The following CACNA1A variants were observed in gnomAD, a reference collection of about 807,000 sequenced individuals.
The protein encoded by CACNA1A is calcium voltage-gated channel subunit alpha1 A, also known as voltage-dependent P/Q-type calcium channel subunit alpha-1A.
A neutral mutation model predicts 262.4 loss-of-function variants in CACNA1A; 57 were observed. The ratio of observed to expected loss-of-function variants is 0.22; its 90% CI spans 0.18 to 0.27. The LOEUF (loss-of-function observed/expected upper bound fraction) is 0.27. Ranked by LOEUF, CACNA1A falls within the 10% of genes least tolerant of loss-of-function variation. The pLI is 1.00. For missense variants in CACNA1A, 2,526 were observed against 3,562.8 expected, an observed-to-expected ratio of 0.71 and a Z score of 7.41; for synonymous variants, 1,431 against 1,419.3, an observed-to-expected ratio of 1.01 and a Z score of -0.18.
Position 13,231,724 on chromosome 19 carries a change from G to A in CACNA1A, c.5386C>T (p.Leu1796Phe). 4 of 1,611,674 alleles carry A rather than the reference G, an allele frequency of 2.5e-6. No homozygotes were observed. The highest frequency in any genetic ancestry group is 3.4e-6 in the Non-Finnish European group (4 of 1,178,814). Residue 1796 changes from leucine (L) to phenylalanine (F), a missense_variant, in exon 35 of 47, where the codon CTC (leucine) becomes TTC (phenylalanine). Coordinates refer to ENST00000360228, the MANE Select transcript of CACNA1A (RefSeq NM_001127222.2). Reference protein sequence around the residue: ...AYFYFVSFIFLCSFLMLNLFV... With the variant: ...AYFYFVSFIFFCSFLMLNLFV... ...CACAGACTCACCAGAAACGAGCAGA[G>A]GAAGATGAAGGAAACAAAGTAAAAA...
In CACNA1A at chr19:13,362,259, G is replaced by A. The variant is rs148442898; in HGVS notation, c.785-2460C>T. The A allele has an allele frequency of 9.5e-3, 1,445 of 152,234 alleles. 11 individuals are homozygous for A. Among genetic ancestry groups the A allele is most frequent in the Non-Finnish European group, 0.015 (1,053 of 68,054 alleles). 9.4% of individuals were successfully genotyped at this position (152,234 alleles called of 1,614,324 possible). On this transcript the variant is annotated intron_variant, in intron 5 of 46. Coordinates refer to ENST00000360228, the MANE Select transcript of CACNA1A (RefSeq NM_001127222.2). ...GTTGCCCAAGCTGGAGTGCAGTAGC[G>A]TGATCTCGGCTCACTGTAACCTCTA...
At chr19:13,245,296 C>T (rs1473058944) in intron 30 of CACNA1A, 31 bp from the exon 31 acceptor site, 3 of 1,581,390 alleles carry the variant, frequency 1.9e-6, no homozygotes, top group East Asian at 2.2e-5. Context: ...ACAGAGATGC[C>T]AACAGAGGGC....
intron 1 of CACNA1A, among the ~76,000 whole-genome samples, chr19:13,487,320 G>C (rs1052727998): frequency 3.9e-5 from 6 of 152,160 alleles, no homozygotes; most frequent in African/African-American, 1.2e-4. Flanking sequence ...ACAGGTGGGG[G>C]CAGCCCCCAG....
At chr19:13,422,152 C>G (rs2060326035) in intron 3 of CACNA1A, among the ~76,000 whole-genome samples, 1 of 152,044 alleles carries the variant, frequency 6.6e-6, no homozygotes, top group South Asian at 2.1e-4. Context: ...GAGAACCCAT[C>G]TTTACTAAAA....
intron 3 of CACNA1A, among the ~76,000 whole-genome samples, chr19:13,402,835 C>CAT (rs1349249132): frequency 2.9e-5 from 3 of 102,208 alleles, no homozygotes; most frequent in Admixed American, 1.1e-4. Context: ...CATATATATA[C>CAT]ATATATATAC....
chr19:13,277,026 A>G lies in CACNA1A; in HGVS notation c.3882+43T>C, dbSNP rs767568713. 7.9e-5 allele frequency: 116 copies of G among 1,466,066 alleles called. 1 individual carries two copies. The Middle Eastern group carries it at 1.0e-3, about 13-fold the overall frequency. 90.8% of individuals were successfully genotyped at this position (1,466,066 alleles called of 1,614,324 possible). A position where few individuals can be genotyped will look rare whatever the true frequency, so the allele number is the denominator to read the frequency against. On this transcript the variant is annotated intron_variant, in intron 23 of 46. Coordinates refer to ENST00000360228, the MANE Select transcript of CACNA1A (RefSeq NM_001127222.2). ...TGTGCCCAGCCCTGCACTTGCTTAA[A>G]AAAAAAAATTACCGTGTGTTCTCAC...
In CACNA1A at chr19:13,224,608, G is replaced by T; in HGVS notation, c.5731+59C>A. 3 of 1,155,132 alleles carry T rather than the reference G, an allele frequency of 2.6e-6. No individual in the cohort carries two copies. The Admixed American group carries it at 6.0e-5, about 23-fold the overall frequency. 71.6% of individuals were successfully genotyped at this position (1,155,132 alleles called of 1,614,324 possible). A position where few individuals can be genotyped will look rare whatever the true frequency, so the allele number is the denominator to read the frequency against. On this transcript the variant is annotated intron_variant, in intron 38 of 46. Coordinates refer to ENST00000360228, the MANE Select transcript of CACNA1A (RefSeq NM_001127222.2). ...AGATCCTCTAGTTTGGGGTAGGGAG[G>T]GAGATCCCCGGTTCCACCCTGTCAC...
At chr19:13,346,618 A>T (rs1465659098) in intron 6 of CACNA1A, among the ~76,000 whole-genome samples, 38 of 3,786 alleles carry the variant, frequency 0.01, no homozygotes, top group East Asian at 0.056. Flanking sequence ...TTAATTGATT[A>T]TATATATATA....
intron 4 of CACNA1A, among the ~76,000 whole-genome samples, chr19:13,368,557 G>A (rs781614671): frequency 1.3e-5 from 2 of 152,090 alleles, no homozygotes; most frequent in Non-Finnish European, 2.9e-5. Flanking sequence ...AACATCCTAT[G>A]TTTGTAACCA....
At chr19:13,221,373 T>C (rs1324367583) in intron 38 of CACNA1A, among the ~76,000 whole-genome samples, 5 of 148,338 alleles carry the variant, frequency 3.4e-5, no homozygotes, top group Non-Finnish European at 5.9e-5. Context: ...GTTGGGATTA[T>C]AGGTGTGCAC....
intron 3 of CACNA1A, among the ~76,000 whole-genome samples, chr19:13,435,385 C>T (rs2060591291): frequency 6.6e-6 from 1 of 151,770 alleles, no homozygotes; most frequent in Admixed American, 6.6e-5. Flanking sequence ...GGATTACAAG[C>T]ATAAGCCATC....
intron 24 of CACNA1A, among the ~76,000 whole-genome samples, chr19:13,270,184 G>C (rs1295301063): frequency 6.6e-6 from 1 of 151,976 alleles, no homozygotes; most frequent in African/African-American, 2.4e-5. Context: ...AGTCCCTCTG[G>C]GCCGCAGTTT....
Position 13,235,488 on chromosome 19 carries a change from G to A in CACNA1A, c.5067+126C>T, listed in dbSNP as rs1359386009. On this transcript the variant is annotated intron_variant, in intron 32 of 46. Transcript: ENST00000360228. ...GGACAGGAAGTTTGACAACAGCCTTGGAGATAACAGATTCTCTGCACGACT... is the reference window on the plus strand; with the variant it reads ...GGACAGGAAGTTTGACAACAGCCTTAGAGATAACAGATTCTCTGCACGACT... 7 of 793,354 alleles carry A rather than the reference G, an allele frequency of 8.8e-6. 1 individual carries two copies. The Admixed American group carries it at 1.2e-4, about 14-fold the overall frequency. The allele number at this position is 793,354 out of a possible 1,614,324, so 49.1% of individuals were successfully genotyped here.
intron 1 of CACNA1A, among the ~76,000 whole-genome samples, chr19:13,466,934 A>G (rs1278780064): frequency 1.3e-5 from 2 of 148,760 alleles, no homozygotes; most frequent in East Asian, 4.1e-4. Context: ...GGGTCTCGCT[A>G]TGTTGCCCAG....
At chr19:13,251,524 A>G (rs1009796801) in intron 30 of CACNA1A, among the ~76,000 whole-genome samples, 2 of 152,154 alleles carry the variant, frequency 1.3e-5, no homozygotes, top group African/African-American at 4.8e-5. Flanking sequence ...TGAGTAACAA[A>G]TTCTAGCTGT....
chr19:13,264,664 C>G (rs189504752), intron 24 of CACNA1A, among the ~76,000 whole-genome samples: 2 of 152,338 alleles, frequency 1.3e-5, no homozygotes, highest in African/African-American at 4.8e-5. Flanking sequence ...CTCCACTTCT[C>G]CAGTCACAGA....
intron 20 of CACNA1A, 111 bp downstream of exon 20, chr19:13,286,392 A>C: frequency 2.0e-6 from 1 of 501,116 alleles, no homozygotes; most frequent in Non-Finnish European, 3.5e-6. Flanking sequence ...TTTCCAGGGG[A>C]GGAGACTGAG....
chr19:13,338,544 G>C (rs949384255), intron 6 of CACNA1A, among the ~76,000 whole-genome samples: 10 of 121,294 alleles, frequency 8.2e-5, no homozygotes, highest in South Asian at 3.0e-4. Context: ...ATCAATAGGA[G>C]AGAGAGGATA....
chr19:13,333,662 TGACCTCA>T (rs1379254502), intron 8 of CACNA1A: 3 of 152,332 alleles, frequency 2.0e-5, no homozygotes, highest in Admixed American at 6.5e-5. Context: ...CTCGAATGCC[TGACCTCA>T]GGAAATCTGC....
Sources: gnomAD v4.1 joint callset for allele counts (sites outside exome capture counted in the v4.1 genomes callset) on GRCh38, gnomAD v4.1.1 for gene constraint, MANE v1.5 for transcripts, NCBI Gene and HGNC (gene_info 2026-07-23, HGNC 2026-07-21) for gene names.